SMC6: variants seen among roughly 807,000 people sequenced by gnomAD.
SMC6 encodes the protein structural maintenance of chromosomes protein 6.
In SMC6, 79 loss-of-function variants were observed where a neutral mutation model predicts 142.2. That is an observed-to-expected ratio of 0.56 (90% confidence interval 0.46 to 0.67). The LOEUF is 0.67. Among genes scored for constraint, SMC6 ranks in the 30% least tolerant of loss-of-function variants. The pLI is 0.00. For synonymous variants in SMC6, 411 were observed against 412.4 expected (o/e 1.00, Z 0.04); for missense variants, 1,072 against 1,284.0 (o/e 0.83, Z 2.52).
chr2:17,691,233 T>TACACAC (rs138226968), intron 23 of SMC6, among the ~76,000 whole-genome samples: 37 of 123,278 alleles, frequency 3.0e-4, no homozygotes, highest in South Asian at 2.4e-3. Context: ...AAAATGTGTA[T>TACACAC]ACACACACAC....
In SMC6 at chr2:17,665,459, A is replaced by T. The variant is rs764166153; in HGVS notation, c.*40T>A. On this transcript the variant is annotated 3_prime_UTR_variant, in exon 28 of 28. Transcript: ENST00000448223. ...AGTCCAGAATTTTTTTTCCCTTCAC[A>T]AATCCTTCAACATCAGGACAAGGCA... is the stretch of plus-strand genomic sequence containing the variant. 19 of 1,440,152 alleles carry T rather than the reference A, an allele frequency of 1.3e-5. No individual in the cohort carries two copies. Among genetic ancestry groups the T allele is most frequent in the Non-Finnish European group, 1.8e-5 (19 of 1,052,208 alleles). The allele number at this position is 1,440,152 out of a possible 1,614,324, so 89.2% of individuals were successfully genotyped here.
rs1213429336 is a variant in SMC6, at chr2:17,678,771, G to A, written c.2910+88C>T. Reference sequence around the variant, plus strand: ...AGCCTGGGCAACAGAGTAAGACTCTGCCTCTAAAAAAAACCCAACAAAAAT... The same window carrying A: ...AGCCTGGGCAACAGAGTAAGACTCTACCTCTAAAAAAAACCCAACAAAAAT... On this transcript the variant is annotated intron_variant, in intron 25 of 27. Coordinates refer to ENST00000448223, the MANE Select transcript of SMC6 (RefSeq NM_001142286.2). The A allele has an allele frequency of 8.9e-6, 8 of 901,622 alleles. No homozygotes were observed. In the Admixed American group the frequency reaches 9.9e-5, roughly 11 times the overall value. 55.9% of individuals were successfully genotyped at this position (901,622 alleles called of 1,614,324 possible). A position where few individuals can be genotyped will look rare whatever the true frequency, so the allele number is the denominator to read the frequency against.
At chr2:17,751,467 CA>C (rs11309389) in intron 2 of SMC6, among the ~76,000 whole-genome samples, 22,187 of 89,262 alleles carry the variant, frequency 0.25, 2,280 homozygotes, top group African/African-American at 0.44. Flanking sequence ...CTGTCTCAAA[CA>C]AAAAAAAAAA....
At chr2:17,745,210 T>C (rs921606696) in intron 3 of SMC6, among the ~76,000 whole-genome samples, 18 of 152,306 alleles carry the variant, frequency 1.2e-4, no homozygotes, top group Non-Finnish European at 2.4e-4. Context: ...GGTTTTGGCA[T>C]CAAGATAATA....
chr2:17,718,715 G>C (rs1669229428), intron 11 of SMC6, among the ~76,000 whole-genome samples: 1 of 152,186 alleles, frequency 6.6e-6, no homozygotes, highest in East Asian at 1.9e-4. Context: ...GCAGATGAAA[G>C]AGCATGTACA....
chr2:17,708,459 G>T (rs1323167412), intron 17 of SMC6, among the ~76,000 whole-genome samples, 180 bp downstream of exon 17: 3 of 152,074 alleles, frequency 2.0e-5, no homozygotes, highest in African/African-American at 7.2e-5. Flanking sequence ...CCATGGGGCA[G>T]AAAACGTACA....
intron 5 of SMC6, among the ~76,000 whole-genome samples, chr2:17,735,560 T>C (rs1414528877): frequency 6.6e-6 from 1 of 152,122 alleles, no homozygotes; most frequent in Non-Finnish European, 1.5e-5. Context: ...ATGTCAAAAA[T>C]TAGACTACTG....
chr2:17,691,003 T>C (rs896210868), intron 23 of SMC6, among the ~76,000 whole-genome samples: 2 of 151,684 alleles, frequency 1.3e-5, no homozygotes, highest in Non-Finnish European at 2.9e-5. Context: ...CATTCACTTA[T>C]TGTGTTCCAC....
At chr2:17,718,034 G>C (rs750921230) in intron 12 of SMC6, 43 bp downstream of exon 12, 13 of 1,562,410 alleles carry the variant, frequency 8.3e-6, no homozygotes, top group Non-Finnish European at 1.0e-5. Flanking sequence ...CTTTATATTT[G>C]CTGTGTGGCT....
At chr2:17,683,237 GT>G in intron 24 of SMC6, among the ~76,000 whole-genome samples, 1 of 152,140 alleles carries the variant, frequency 6.6e-6, no homozygotes, top group Admixed American at 6.5e-5. Context: ...ACAAAACAGA[GT>G]TTCTACATTC....
chr2:17,698,177 T>C (rs927875262), intron 21 of SMC6, among the ~76,000 whole-genome samples: 1 of 152,018 alleles, frequency 6.6e-6, no homozygotes, highest in Admixed American at 6.6e-5. Flanking sequence ...CGGGTTTCTT[T>C]ATTAGGCGAT....
chr2:17,673,911 C>T (rs1296341964), intron 25 of SMC6, among the ~76,000 whole-genome samples: 2 of 152,028 alleles, frequency 1.3e-5, no homozygotes, highest in Non-Finnish European at 2.9e-5. Flanking sequence ...ACAATTTGAA[C>T]CTAACACCAT....
chr2:17,740,853 A>T (rs1368573793), intron 4 of SMC6: 1 of 227,216 alleles, frequency 4.4e-6, no homozygotes, highest in East Asian at 1.7e-4. Context: ...CTGTCTCAAA[A>T]AAACAAAAAA....
intron 4 of SMC6, among the ~76,000 whole-genome samples, chr2:17,740,425 A>G (rs1670382509): frequency 1.3e-5 from 2 of 152,012 alleles, no homozygotes; most frequent in African/African-American, 2.4e-5. Context: ...AGCAGCCAAC[A>G]CCTCATTCTT....
rs1669628378 is a variant in SMC6, at chr2:17,726,419, T to A, written c.594A>T (p.Leu198Phe). 1 of 1,612,466 alleles carries A rather than the reference T, an allele frequency of 6.2e-7. No homozygotes were observed. Among genetic ancestry groups the A allele is most frequent in the Admixed American group, 1.7e-5 (1 of 59,792 alleles). Residue 198 changes from leucine to phenylalanine, a missense_variant, in exon 8 of 28, where the codon TTA (leucine) becomes TTT (phenylalanine). This residue lies in a region of SMC6 where 994 missense variants were observed against 1,153.2 expected (regional missense o/e 0.86). Coordinates refer to ENST00000448223, the MANE Select transcript of SMC6 (RefSeq NM_001142286.2). ...ATTTGTCTCCTTCATTTTTAGACTG[T>A]AAGAACTGCTTGCTCATTTCTTGTG... ...VLTQEMSKQF[L>F]QSKNEGDKYK... is the part of the protein sequence containing the mutation.
chr2:17,730,624 T>C (rs1307943311), intron 7 of SMC6, among the ~76,000 whole-genome samples: 2 of 150,080 alleles, frequency 1.3e-5, no homozygotes, highest in East Asian at 1.9e-4. Context: ...TTTTTTGAGA[T>C]GGAGTTTCAC....
intron 11 of SMC6, among the ~76,000 whole-genome samples, chr2:17,719,241 T>C (rs1669252948): frequency 6.6e-6 from 1 of 152,196 alleles, no homozygotes; most frequent in Admixed American, 6.5e-5. Context: ...CCAGGTTTTA[T>C]ATAAACTAAA....
intron 26 of SMC6, among the ~76,000 whole-genome samples, chr2:17,670,104 T>C (rs1353541883): frequency 3.3e-5 from 5 of 152,160 alleles, no homozygotes; most frequent in Non-Finnish European, 7.4e-5. Flanking sequence ...AAACAAAAAG[T>C]CTGAACATAT....
intron 8 of SMC6, 28 bp downstream of exon 8, chr2:17,726,361 G>A (rs77157592): frequency 0.013 from 20,513 of 1,551,504 alleles, 151 homozygotes; most frequent in Non-Finnish European, 0.016. Flanking sequence ...TTTTTAAATG[G>A]GTTTATATTT....
Sources: gnomAD v4.1 joint callset for allele counts (sites outside exome capture counted in the v4.1 genomes callset) on GRCh38, gnomAD v4.1.1 for gene constraint, gnomAD v4.1.1 regional missense constraint, MANE v1.5 for transcripts, NCBI Gene and HGNC (gene_info 2026-07-23, HGNC 2026-07-21) for gene names.